CPLANE1: variants seen among roughly 807,000 people sequenced by gnomAD.
CPLANE1 encodes the protein ciliogenesis and planar polarity effector complex subunit 1.
CPLANE1 carries 263 observed loss-of-function variants against 362.5 expected under a neutral mutation model. The ratio of observed to expected loss-of-function variants is 0.73; its 90% CI spans 0.66 to 0.80. CPLANE1 has a LOEUF of 0.80. Ranked by LOEUF, CPLANE1 falls within the 30% of genes least tolerant of loss-of-function variation. The pLI is 0.00. For synonymous variants in CPLANE1, 1,212 were observed against 1,302.6 expected, an observed-to-expected ratio of 0.93 and a Z score of 1.50; for missense variants, 3,461 against 3,793.4, an observed-to-expected ratio of 0.91 and a Z score of 2.30.
At position 37,128,415 on chromosome 5, in the gene CPLANE1, C is replaced by T. The variant is rs16903512; in HGVS notation, c.8793-3006G>A. On this transcript the variant is annotated intron_variant, in intron 46 of 52. Coordinates refer to ENST00000651892, the MANE Select transcript of CPLANE1 (RefSeq NM_001384732.1). Reference sequence around the variant, plus strand: ...ATTTGTATCTTAAAGCCCTGTGCTGCGTGCAGATGGTGTCACCTGGAGCTT... The same window carrying T: ...ATTTGTATCTTAAAGCCCTGTGCTGTGTGCAGATGGTGTCACCTGGAGCTT... Among the ~76,000 whole-genome samples the T allele has an allele frequency of 6.0e-3, 920 of 152,306 alleles. 7 individuals are homozygous for T. Among genetic ancestry groups the T allele is most frequent in the African/African-American group, 0.021 (882 of 41,568 alleles).
At chr5:37,201,854 ACTT>A (rs1789281544) in intron 18 of CPLANE1, 46 bp from the exon 19 acceptor site, 2 of 1,349,208 alleles carry the variant, frequency 1.5e-6, no homozygotes, top group South Asian at 1.3e-5. Flanking sequence ...CTTGTATTAA[ACTT>A]CTTATCCATT....
rs1475784033 is a variant in CPLANE1 at position 37,168,869 on chromosome 5, T to C, written c.7155A>G (p.Thr2385=). The C allele has an allele frequency of 1.2e-6, 2 of 1,614,022 alleles. No individual in the cohort carries two copies. Among genetic ancestry groups the C allele is most frequent in the African/African-American group, 1.3e-5 (1 of 75,030 alleles). Residue 2385 remains threonine, a synonymous_variant, in exon 34 of 53, where the codon ACA becomes ACG. Transcript: ENST00000651892. ...TTTCTTCTGCTATAGGTTGGATAGG[T>C]GTTGAGGGAACTGTAATAGATGCTC... ...TSRASITVPS[T]PIQPIAEERK...
chr5:37,115,891 C>A (rs1040785548), intron 50 of CPLANE1, among the ~76,000 whole-genome samples: 1 of 151,894 alleles, frequency 6.6e-6, no homozygotes, highest in African/African-American at 2.4e-5. Context: ...CCATGCCCGG[C>A]CGACTTTTAC....
chr5:37,108,270 A>G (rs1331724357), intron 52 of CPLANE1, 23 bp downstream of exon 52: 4 of 1,604,830 alleles, frequency 2.5e-6, no homozygotes, highest in Non-Finnish European at 3.4e-6. Flanking sequence ...CACTAGACAA[A>G]CAAAATCTAG....
Position 37,227,773 on chromosome 5 carries a change from G to A in CPLANE1, c.1166C>T (p.Ser389Leu), listed in dbSNP as rs1324374545. 2 of 1,551,146 alleles carry A rather than the reference G, an allele frequency of 1.3e-6. No individual in the cohort carries two copies. Among genetic ancestry groups the A allele is most frequent in the East Asian group, 2.4e-5 (1 of 40,860 alleles). The change falls in exon 10 of 53, where the codon TCA (serine) becomes TTA (leucine). Residue 389 changes from serine (S) to leucine (L), a missense_variant. Ser to Leu is a moderately radical substitution (Grantham distance 145). Around this residue, in one of 2 missense-constraint regions of CPLANE1, gnomAD observed 3,380 missense variants for 3,666.1 expected, o/e 0.92. Transcript: ENST00000651892. ...TFQDSNNSVD[S>L]SASDSDPMRQ... ...CATAGGGTCACTATCAGAAGCTGAT[G>A]AATCAACAGAATTATTTGAATCTTG... is the stretch of plus-strand genomic sequence containing the variant.
intron 8 of CPLANE1, among the ~76,000 whole-genome samples, chr5:37,234,002 GATT>G (rs1227810896): frequency 6.6e-6 from 1 of 152,088 alleles, no homozygotes; most frequent in African/African-American, 2.4e-5. Flanking sequence ...GTCATACAAA[GATT>G]ACACTACTAC....
At chr5:37,222,654 T>C (rs530385150) in intron 14 of CPLANE1, among the ~76,000 whole-genome samples, 1 of 152,354 alleles carries the variant, frequency 6.6e-6, no homozygotes, top group African/African-American at 2.4e-5. Flanking sequence ...AAAACTTTTC[T>C]ATACCCAGAA....
chr5:37,090,810 T>C, the CPLANE1 span, among the ~76,000 whole-genome samples: 1 of 152,200 alleles, frequency 6.6e-6, no homozygotes, highest in South Asian at 2.1e-4. Context: ...GCTTACACTG[T>C]TTATTTATTG....
intron 6 of CPLANE1, among the ~76,000 whole-genome samples, chr5:37,241,621 T>G (rs1369352487): frequency 6.6e-6 from 1 of 152,158 alleles, no homozygotes; most frequent in Non-Finnish European, 1.5e-5. Flanking sequence ...TTGTTTATCT[T>G]ATTTTATTTA....
At chr5:37,160,970 C>G (rs1580298812) in intron 38 of CPLANE1, among the ~76,000 whole-genome samples, 1 of 152,210 alleles carries the variant, frequency 6.6e-6, no homozygotes, top group East Asian at 1.9e-4. Flanking sequence ...CGCGCCCAGC[C>G]TATAATTACT....
chr5:37,138,378 A>T, intron 46 of CPLANE1: 1 of 283,386 alleles, frequency 3.5e-6, no homozygotes. Flanking sequence ...TTTGTTTTCC[A>T]TTTGCATGAT....
rs1019343222 is a variant in CPLANE1 at position 37,209,638 on chromosome 5, C to G, written c.2921-3213G>C. ...AGATGTGGCTGTGAATATTCACTTT[C>G]TGTTTTCTTTCTAGAAAGTGGTTTG... On this transcript the variant is annotated intron_variant, in intron 16 of 52. Coordinates refer to ENST00000651892, the MANE Select transcript of CPLANE1 (RefSeq NM_001384732.1). The surrounding 1 kb of genome is among the most constrained non-coding windows in gnomAD (Gnocchi z 4.6). 6 of 1,427,568 alleles carry G rather than the reference C, an allele frequency of 4.2e-6. No individual in the cohort carries two copies. In the African/African-American group the frequency reaches 8.4e-5, roughly 20 times the overall value. The allele number at this position is 1,427,568 out of a possible 1,614,324, so 88.4% of individuals were successfully genotyped here.
chr5:37,231,074 T>C (rs1473677018), intron 8 of CPLANE1, 25 bp from the exon 9 acceptor site: 2 of 1,458,890 alleles, frequency 1.4e-6, no homozygotes, highest in Non-Finnish European at 1.8e-6. Flanking sequence ...AGACAACATG[T>C]TTAGAAGAGA....
intron 19 of CPLANE1, 23 bp downstream of exon 19, chr5:37,201,568 A>G (rs771832952): frequency 1.1e-5 from 17 of 1,529,358 alleles, no homozygotes; most frequent in Non-Finnish European, 1.4e-5. Context: ...AAATTAATTT[A>G]AAAGTTAATG....
intron 24 of CPLANE1, 50 bp downstream of exon 24, chr5:37,186,236 G>A (rs900766750): frequency 1.1e-6 from 1 of 932,770 alleles, no homozygotes; most frequent in East Asian, 2.4e-5. Context: ...AACAAAAAGG[G>A]AATCTTCTGC....
At chr5:37,231,877 G>A (rs1797801958) in intron 8 of CPLANE1, among the ~76,000 whole-genome samples, 1 of 151,884 alleles carries the variant, frequency 6.6e-6, no homozygotes, top group African/African-American at 2.4e-5. Flanking sequence ...ACAAACAGTA[G>A]GTCCTCCTCA....
intron 42 of CPLANE1, among the ~76,000 whole-genome samples, chr5:37,149,679 A>G (rs1182303150): frequency 6.6e-6 from 1 of 152,224 alleles, no homozygotes; most frequent in Non-Finnish European, 1.5e-5. Flanking sequence ...TACTGTAATC[A>G]AAGTTATATG....
intron 44 of CPLANE1, chr5:37,140,495 T>A (rs301869): frequency 0.39 from 380,628 of 983,164 alleles, 79,049 homozygotes; most frequent in African/African-American, 0.79. Context: ...TAGTAATAGT[T>A]CTACCCCTTA....
chr5:37,184,920 C>G lies in CPLANE1; in HGVS notation c.4349G>C (p.Arg1450Thr). Residue 1450 changes from arginine (R) to threonine (T), a missense_variant, in exon 25 of 53, where the codon AGA becomes ACA. By Grantham distance (71) the Arg-to-Thr change is moderately conservative. Transcript: ENST00000651892. ...GCTCAAACTAGTCCCCAGGGAATAT[C>G]TGTCAACACCTGGAGCCTCATCTGG... ...EKPDEAPGVD[R>T]YSLGTSLSRS... 1 of 1,614,148 alleles carries G rather than the reference C, an allele frequency of 6.2e-7. No homozygotes were observed. Among genetic ancestry groups the G allele is most frequent in the Non-Finnish European group, 8.5e-7 (1 of 1,179,994 alleles).
Sources: allele counts gnomAD v4.1 joint callset (sites outside exome capture counted in the v4.1 genomes callset), GRCh38; gene constraint gnomAD v4.1.1; regional missense constraint gnomAD v4.1.1; non-coding constraint Gnocchi (gnomAD v3.1); transcripts MANE v1.5; gene names NCBI Gene and HGNC (gene_info 2026-07-23, HGNC 2026-07-21).